CHN2: variants seen among roughly 807,000 people sequenced by gnomAD.
The protein encoded by CHN2 is chimerin 2, also known as beta-chimaerin.
CHN2 carries 35 observed loss-of-function variants against 56.3 expected under a neutral mutation model. That is an observed-to-expected ratio of 0.62 (90% CI 0.47 to 0.82). The LOEUF (loss-of-function observed/expected upper bound fraction) is 0.82, where lower values mean the gene tolerates loss of function less well. Ranked by LOEUF, CHN2 falls within the 40% of genes least tolerant of loss-of-function variation. The probability of loss-of-function intolerance (pLI) is 0.00; values close to 1 mark genes in which losing one functional copy is unlikely to be tolerated. For synonymous variants in CHN2, 210 were observed against 212.8 expected (o/e 0.99, Z 0.12); for missense variants, 491 against 580.5 (o/e 0.85, Z 1.58).
chr7:29,484,739 T>C (rs1787767222), intron 7 of CHN2, among the ~76,000 whole-genome samples: 1 of 152,190 alleles, frequency 6.6e-6, no homozygotes, highest in African/African-American at 2.4e-5. Context: ...GGATATACGA[T>C]GCAACCCGTT....
At chr7:29,305,805 T>TTCCTCCTCGTCTTTCTCCTCC (rs1554397331) in intron 1 of CHN2, among the ~76,000 whole-genome samples, 14 of 130,702 alleles carry the variant, frequency 1.1e-4, no homozygotes, top group South Asian at 2.9e-4. Flanking sequence ...CTCCCGTTCC[T>TTCCTCCTCGTCTTTCTCCTCC]TCCTCCTCGT....
intron 1 of CHN2, among the ~76,000 whole-genome samples, chr7:29,199,162 A>G (rs1783961464): frequency 6.6e-6 from 1 of 152,234 alleles, no homozygotes; most frequent in African/African-American, 2.4e-5. Flanking sequence ...TGTAGAAATG[A>G]TAAATAGGAA....
At chr7:29,399,125 G>A (rs540618143) in intron 5 of CHN2, among the ~76,000 whole-genome samples, 13 of 152,234 alleles carry the variant, frequency 8.5e-5, no homozygotes, top group South Asian at 6.2e-4. Context: ...AGATGCTATC[G>A]GTAGGTGTGG....
intron 6 of CHN2, among the ~76,000 whole-genome samples, chr7:29,436,947 A>T (rs1313055637): frequency 1.5e-5 from 2 of 136,846 alleles, no homozygotes; most frequent in Non-Finnish European, 3.1e-5. Context: ...ATTAAAATTA[A>T]TAATAATAAT....
chr7:29,440,629 G>A (rs751880510), intron 6 of CHN2, among the ~76,000 whole-genome samples: 1 of 141,010 alleles, frequency 7.1e-6, no homozygotes, highest in African/African-American at 2.6e-5. Context: ...AGGCTGCTGT[G>A]AGCTGAGATC....
chr7:29,355,626 G>A (rs1487657890), intron 2 of CHN2, among the ~76,000 whole-genome samples: 1 of 151,910 alleles, frequency 6.6e-6, no homozygotes, highest in Non-Finnish European at 1.5e-5. Flanking sequence ...GCAGGCCCTG[G>A]CTCAGGCTCT....
intron 4 of CHN2, chr7:29,397,428 A>T (rs1245150434): frequency 6.6e-6 from 1 of 152,204 alleles, no homozygotes; most frequent in Non-Finnish European, 1.5e-5. Flanking sequence ...CTGATTTATT[A>T]TCCAAAGTTC....
At chr7:29,441,520 A>G (rs1304515154) in intron 6 of CHN2, among the ~76,000 whole-genome samples, 5 of 152,250 alleles carry the variant, frequency 3.3e-5, no homozygotes, top group African/African-American at 9.6e-5. Flanking sequence ...AAGTGAACAG[A>G]GAACCTACAA....
chr7:29,449,444 A>G (rs184153663), intron 6 of CHN2, among the ~76,000 whole-genome samples: 18 of 152,370 alleles, frequency 1.2e-4, no homozygotes, highest in African/African-American at 2.6e-4. Context: ...TAAATAAAGT[A>G]TTATTGGAAT....
chr7:29,502,124 ATCTG>A (rs1448504542), intron 9 of CHN2, among the ~76,000 whole-genome samples: 2 of 152,116 alleles, frequency 1.3e-5, no homozygotes, highest in Non-Finnish European at 2.9e-5. Flanking sequence ...CCACCTCCAA[ATCTG>A]TCTAACTATA....
intron 1 of CHN2, among the ~76,000 whole-genome samples, chr7:29,346,064 A>T (rs962845640): frequency 2.0e-5 from 3 of 152,144 alleles, no homozygotes; most frequent in Admixed American, 2.0e-4. Flanking sequence ...CTAATTTCTC[A>T]GGGGAGTGCA....
At chr7:29,283,316 G>A (rs1401086069) in intron 1 of CHN2, among the ~76,000 whole-genome samples, 1 of 152,124 alleles carries the variant, frequency 6.6e-6, no homozygotes, top group Non-Finnish European at 1.5e-5. Flanking sequence ...CTCACCCAAG[G>A]CCAGAAGCAC....
At chr7:29,286,807 T>C (rs1175480539) in intron 1 of CHN2, among the ~76,000 whole-genome samples, 2 of 152,210 alleles carry the variant, frequency 1.3e-5, no homozygotes, top group African/African-American at 4.8e-5. Context: ...CAAGCCTGTC[T>C]TGGTTTATTT....
intron 1 of CHN2, among the ~76,000 whole-genome samples, chr7:29,303,102 A>G (rs141068278): frequency 6.9e-4 from 105 of 152,276 alleles, no homozygotes; most frequent in Non-Finnish European, 1.1e-3. Context: ...ATGCCTTGCC[A>G]TTGTGCGTTG....
chr7:29,458,620 A>G (rs1335367539), intron 6 of CHN2, among the ~76,000 whole-genome samples: 1 of 152,206 alleles, frequency 6.6e-6, no homozygotes, highest in Non-Finnish European at 1.5e-5. Context: ...TCCTCACTTT[A>G]GAAGTGAGGA....
At chr7:29,412,004 C>T (rs572127248) in intron 6 of CHN2, among the ~76,000 whole-genome samples, 18 of 152,302 alleles carry the variant, frequency 1.2e-4, no homozygotes, top group African/African-American at 4.3e-4. Context: ...GTCCTTCATT[C>T]CCACTCACCT....
chr7:29,377,384 A>C (rs181152593), intron 3 of CHN2, among the ~76,000 whole-genome samples: 17 of 152,330 alleles, frequency 1.1e-4, no homozygotes, highest in African/African-American at 3.6e-4. Flanking sequence ...ACTATTATGA[A>C]TTCCAGCTCT....
intron 1 of CHN2, among the ~76,000 whole-genome samples, chr7:29,220,696 C>A (rs1364716035): frequency 5.3e-5 from 8 of 152,098 alleles, no homozygotes; most frequent in Admixed American, 5.2e-4. Context: ...ACCAATATTG[C>A]TTTAGCAATA....
In CHN2 at chr7:29,363,084, G is replaced by A. The variant is rs572960835; in HGVS notation, c.89-4848G>A. Among the ~76,000 whole-genome samples the A allele has an allele frequency of 5.9e-5, 9 of 152,244 alleles. No homozygotes were observed. In the South Asian group the frequency reaches 1.7e-3, roughly 28 times the overall value. ...TGGAACTCTGTGATTCTAGGAGATG[G>A]CCCCTTTGACTCCTGTTACACACAC... On this transcript the variant is annotated intron_variant, in intron 2 of 12. Transcript: ENST00000222792.
Sources: gnomAD v4.1 joint callset for allele counts (sites outside exome capture counted in the v4.1 genomes callset) on GRCh38, gnomAD v4.1.1 for gene constraint, MANE v1.5 for transcripts, NCBI Gene and HGNC (gene_info 2026-07-23, HGNC 2026-07-21) for gene names.